Variants in MEF2A observed in about 807,000 individuals in gnomAD.
MEF2A encodes the protein myocyte enhancer factor 2A.
A neutral mutation model predicts 55.8 loss-of-function variants in MEF2A; 28 were observed. The observed-to-expected ratio is 0.50, with a 90% confidence interval of 0.37 to 0.69. MEF2A has a LOEUF of 0.69. Ranked by LOEUF, MEF2A falls within the 30% of genes least tolerant of loss-of-function variation. The probability of loss-of-function intolerance (pLI) is 0.00; values close to 1 mark genes in which losing one functional copy is unlikely to be tolerated. For missense variants in MEF2A, 528 were observed against 626.2 expected (o/e 0.84, Z 1.67); for synonymous variants, 239 against 227.1 (o/e 1.05, Z -0.47).
At chr15:99,650,368 C>T (rs1055954287) in intron 4 of MEF2A, among the ~76,000 whole-genome samples, 14 of 152,112 alleles carry the variant, frequency 9.2e-5, no homozygotes, top group Non-Finnish European at 1.9e-4. Context: ...CAATCATGTA[C>T]GATCTATAGC....
chr15:99,566,812 GGCGGACACCTGCGGTT>G (rs1311850051), intron 1 of MEF2A, among the ~76,000 whole-genome samples: 2 of 142,318 alleles, frequency 1.4e-5, no homozygotes, highest in African/African-American at 2.6e-5. Context: ...CGGTGTTTGG[GGCGGACACCTGCGGTT>G]GCGGACGCCC....
At chr15:99,587,143 G>T (rs1967591939) in intron 1 of MEF2A, among the ~76,000 whole-genome samples, 1 of 151,912 alleles carries the variant, frequency 6.6e-6, no homozygotes, top group Non-Finnish European at 1.5e-5. Context: ...ATGCCATGGT[G>T]GTTTGCTGCA....
intron 2 of MEF2A, among the ~76,000 whole-genome samples, chr15:99,632,254 G>T (rs2043062252): frequency 6.6e-6 from 1 of 152,166 alleles, no homozygotes; most frequent in East Asian, 1.9e-4. Flanking sequence ...ACTTCATCTG[G>T]AAGTGCAAAC....
chr15:99,701,136 G>A (rs2057347371), intron 8 of MEF2A, among the ~76,000 whole-genome samples: 2 of 152,214 alleles, frequency 1.3e-5, no homozygotes, highest in Middle Eastern at 3.4e-3. Flanking sequence ...TCTTACAAAG[G>A]GAAAAATTAG....
intron 3 of MEF2A, among the ~76,000 whole-genome samples, chr15:99,644,193 A>G (rs2045553721): frequency 6.6e-6 from 1 of 152,210 alleles, no homozygotes; most frequent in Non-Finnish European, 1.5e-5. Context: ...ATCTACATAA[A>G]ATTAAGAGGG....
chr15:99,622,921 C>T (rs1321632011), intron 2 of MEF2A, among the ~76,000 whole-genome samples: 5 of 151,870 alleles, frequency 3.3e-5, no homozygotes, highest in Non-Finnish European at 7.4e-5. Context: ...AGGATGGTCT[C>T]GATCTCCTGA....
intron 1 of MEF2A, among the ~76,000 whole-genome samples, chr15:99,577,615 A>G (rs553474517): frequency 1.3e-5 from 2 of 152,332 alleles, no homozygotes; most frequent in South Asian, 4.1e-4. Context: ...CTGGTATGAT[A>G]CTGTTTACCT....
Position 99,710,840 on chromosome 15 carries a change from CT to C in MEF2A, c.1136+81del, listed in dbSNP as rs2058565025. 1.2e-5 allele frequency: 18 copies of C among 1,493,660 alleles called. No individual in the cohort carries two copies. In the South Asian group the frequency reaches 2.3e-4, roughly 19 times the overall value. 92.5% of individuals were successfully genotyped at this position (1,493,660 alleles called of 1,614,324 possible). On this transcript the variant is annotated intron_variant, in intron 11 of 11. Coordinates refer to ENST00000557942, the MANE Select transcript of MEF2A (RefSeq NM_001319206.4). ...TTCCTATCAGTGACAGCCTTTTGCTCTGTTGAGTTTCGTGTGAGGAATCCTG... is the reference window on the plus strand; with the variant it reads ...TTCCTATCAGTGACAGCCTTTTGCTCGTTGAGTTTCGTGTGAGGAATCCTG...
chr15:99,629,665 A>G (rs1485801089), intron 2 of MEF2A, among the ~76,000 whole-genome samples: 1 of 152,072 alleles, frequency 6.6e-6, no homozygotes, highest in East Asian at 1.9e-4. Context: ...AAAAGGGAAA[A>G]AGGCCGGGGT....
intron 7 of MEF2A, among the ~76,000 whole-genome samples, chr15:99,686,822 A>G (rs2054323029): frequency 1.3e-5 from 2 of 152,114 alleles, no homozygotes; most frequent in African/African-American, 4.8e-5. Flanking sequence ...CCAGACTTTT[A>G]GATTTCTCTT....
intron 2 of MEF2A, among the ~76,000 whole-genome samples, chr15:99,602,966 A>T (rs1445620782): frequency 1.3e-5 from 2 of 152,048 alleles, no homozygotes; most frequent in African/African-American, 4.8e-5. Flanking sequence ...TATTTTATGT[A>T]AGTTGTCTAA....
chr15:99,587,739 C>T (rs2152929317), intron 1 of MEF2A, among the ~76,000 whole-genome samples: 1 of 152,274 alleles, frequency 6.6e-6, no homozygotes, highest in East Asian at 1.9e-4. Flanking sequence ...TTTACATTTT[C>T]ATTACAAATA....
At position 99,666,948 on chromosome 15, in the gene MEF2A, T is replaced by C. The variant is rs1008637481; in HGVS notation, c.259-4375T>C. Among the ~76,000 whole-genome samples, 5 of 152,370 alleles carry C rather than the reference T, an allele frequency of 3.3e-5. No homozygotes were observed. The East Asian group carries it at 9.6e-4, about 29-fold the overall frequency. On this transcript the variant is annotated intron_variant, in intron 4 of 11. Coordinates refer to ENST00000557942, the MANE Select transcript of MEF2A (RefSeq NM_001319206.4). ...TTTATGAATTACCACAAGAAGATTT[T>C]GAAGATGAGTATTGAAAGGCCACAG...
rs186283376 is a variant in MEF2A at position 99,683,910 on chromosome 15, G to A, written c.671-6331G>A. ...AAGTCCATTGTATCATTCTTATGCCGTTGCATCCTCATAGCTTAGCTCCCA... is the reference window on the plus strand; with the variant it reads ...AAGTCCATTGTATCATTCTTATGCCATTGCATCCTCATAGCTTAGCTCCCA... On this transcript the variant is annotated intron_variant, in intron 7 of 11. Coordinates refer to ENST00000557942, the MANE Select transcript of MEF2A (RefSeq NM_001319206.4). 1.5e-3 allele frequency among the ~76,000 whole-genome samples: 221 copies of A among 151,920 alleles called. 2 individuals carry two copies. The South Asian group carries it at 0.019, about 13-fold the overall frequency.
At chr15:99,663,019 G>A (rs1282034783) in intron 4 of MEF2A, among the ~76,000 whole-genome samples, 2 of 152,036 alleles carry the variant, frequency 1.3e-5, no homozygotes, top group Non-Finnish European at 2.9e-5. Flanking sequence ...TCACTTGTAA[G>A]TGCTATGATT....
intron 2 of MEF2A, among the ~76,000 whole-genome samples, chr15:99,622,702 C>T (rs2570810): frequency 5.8e-4 from 79 of 135,702 alleles, no homozygotes; most frequent in Middle Eastern, 4.3e-3. Context: ...GTTTTCTTTT[C>T]TTTTTTTTTT....
At position 99,645,740 on chromosome 15, in the gene MEF2A, C is replaced by G; in HGVS notation, c.234C>G (p.Ser78Arg). The G allele has an allele frequency of 6.2e-7, 1 of 1,607,450 alleles. No homozygotes were observed. The highest frequency in any genetic ancestry group is 8.5e-7 in the Non-Finnish European group (1 of 1,175,998). Residue 78 changes from serine (S) to arginine (R), a missense_variant, in exon 4 of 12, where the codon AGC (serine) becomes AGG (arginine). Physicochemically the swap from Ser to Arg is moderately radical, Grantham distance 110. Around this residue, in one of 2 missense-constraint regions of MEF2A, gnomAD observed 78 missense variants for 150.9 expected, o/e 0.52. Transcript: ENST00000557942. ...CAGAATATAATGAACCTCATGAAAG[C>G]AGAACCAACTCGGATATTGTTGAGG... The part of the protein sequence containing the change: ...KYTEYNEPHE[S>R]RTNSDIVETL...
intron 4 of MEF2A, among the ~76,000 whole-genome samples, chr15:99,659,269 G>A (rs931751387): frequency 6.6e-6 from 1 of 152,026 alleles, no homozygotes; most frequent in Admixed American, 6.6e-5. Context: ...TGTTGGGATT[G>A]GGGGGTGGGG....
intron 2 of MEF2A, among the ~76,000 whole-genome samples, chr15:99,605,047 G>A (rs1974550527): frequency 6.6e-6 from 1 of 152,194 alleles, no homozygotes; most frequent in Admixed American, 6.5e-5. Context: ...CCAGGTTCAA[G>A]CTGTTCTCTT....
Sources: gnomAD v4.1 joint callset for allele counts (sites outside exome capture counted in the v4.1 genomes callset) on GRCh38, gnomAD v4.1.1 for gene constraint, gnomAD v4.1.1 regional missense constraint, MANE v1.5 for transcripts, NCBI Gene and HGNC (gene_info 2026-07-23, HGNC 2026-07-21) for gene names.